Variants in CDCA7L observed in about 807,000 individuals in gnomAD.
CDCA7L encodes the protein cell division cycle-associated 7-like protein.
Under a neutral mutation model 57.4 loss-of-function variants are expected in CDCA7L, and 44 were observed. That is an observed-to-expected ratio of 0.77 (90% CI 0.60 to 0.98). CDCA7L has a LOEUF of 0.98. Ranked by LOEUF, CDCA7L falls within the 50% of genes least tolerant of loss-of-function variation. The probability of loss-of-function intolerance (pLI) is 0.00; values close to 1 mark genes in which losing one functional copy is unlikely to be tolerated. For synonymous variants in CDCA7L, 236 were observed against 202.8 expected (o/e 1.16, Z -1.39); for missense variants, 644 against 580.6 (o/e 1.11, Z -1.12).
chr7:21,921,629 A>G (rs181255006), intron 1 of CDCA7L, among the ~76,000 whole-genome samples: 203 of 147,564 alleles, frequency 1.4e-3, no homozygotes, highest in African/African-American at 4.0e-3. Flanking sequence ...GTTCCATTCT[A>G]TTACAATAAA....
intron 1 of CDCA7L, among the ~76,000 whole-genome samples, chr7:21,929,648 A>G (rs920739394): frequency 6.6e-6 from 1 of 150,516 alleles, no homozygotes; most frequent in Non-Finnish European, 1.5e-5. Context: ...AAAAAAAAAA[A>G]AAAAAAAAGC....
At chr7:21,923,191 CAAGA>C (rs2128064432) in intron 1 of CDCA7L, among the ~76,000 whole-genome samples, 1 of 152,180 alleles carries the variant, frequency 6.6e-6, no homozygotes, top group South Asian at 2.1e-4. Flanking sequence ...CGAAAAAAGA[CAAGA>C]AAGACAATTT....
chr7:21,945,756 CGGCGGCG>C lies in CDCA7L; in HGVS notation c.24+18_24+24del. On this transcript the variant is annotated intron_variant, in intron 1 of 9. Transcript: ENST00000406877. ...AAGTCAAACTGTGGGTGCGTCCGGA[CGGCGGCG>C]GGCGGCCGGACCCTCACCTGGTAGC... 6.3e-7 allele frequency: 1 copy of C among 1,598,814 alleles called. No individual in the cohort carries two copies. Among genetic ancestry groups the C allele is most frequent in the Non-Finnish European group, 8.5e-7 (1 of 1,174,012 alleles).
Position 21,902,348 on chromosome 7 carries a change from G to T in CDCA7L, c.1339C>A (p.Gln447Lys). The T allele has an allele frequency of 1.2e-6, 2 of 1,613,726 alleles. No homozygotes were observed. The highest frequency in any genetic ancestry group is 1.7e-6 in the Non-Finnish European group (2 of 1,179,724). The change falls in exon 10 of 10, where the codon CAA (glutamine) becomes AAA (lysine). Residue 447 changes from glutamine to lysine, a missense_variant. Transcript: ENST00000406877. ...DNVKEYLESL[Q>K]KELVEDN ...TAATTGTCTTCTACCAGCTCCTTTT[G>T]TAAGCTGGGAAAAAGATGAGAAGTA... is the stretch of plus-strand genomic sequence containing the variant.
Position 21,902,175 on chromosome 7 carries a change from AAACAATCTTTAACAAAAAATAGT to A in CDCA7L, c.*124_*146del, listed in dbSNP as rs1162381722. The A allele has an allele frequency of 3.8e-6, 3 of 791,318 alleles. No individual in the cohort carries two copies. In the Middle Eastern group the frequency reaches 7.6e-4, roughly 202 times the overall value. The allele number at this position is 791,318 out of a possible 1,614,324, so 49.0% of individuals were successfully genotyped here. ...TCCTGAGAAATCTTTGTAAGCATAT[AAACAATCTTTAACAAAAAATAGT>A]AATTTCTACAAAGAATTTCTGTATA... On this transcript the variant is annotated 3_prime_UTR_variant, in exon 10 of 10. Transcript: ENST00000406877.
rs764066634 is a variant in CDCA7L, at chr7:21,903,125, G to C, written c.1198-11C>G. On this transcript the variant is annotated splice_polypyrimidine_tract_variant and intron_variant, in intron 8 of 9. Coordinates refer to ENST00000406877, the MANE Select transcript of CDCA7L (RefSeq NM_018719.5). ...GGGACACACCCAATCCTAACAGAGA[G>C]ATGACAGCAGACACTTCGCTCATTA... 8 of 1,611,348 alleles carry C rather than the reference G, an allele frequency of 5.0e-6. No homozygotes were observed. The highest frequency in any genetic ancestry group is 5.9e-6 in the Non-Finnish European group (7 of 1,179,122).
Position 21,902,085 on chromosome 7 carries a change from AACAAAGTTCAGC to A in CDCA7L, c.*225_*236del, listed in dbSNP as rs1784907405. ...TTTTTAATAACTGGCAGATATTTTT[AACAAAGTTCAGC>A]ATACAGACAGGTCTGTGCATACATC... On this transcript the variant is annotated 3_prime_UTR_variant, in exon 10 of 10. Coordinates refer to ENST00000406877, the MANE Select transcript of CDCA7L (RefSeq NM_018719.5). 3 of 514,454 alleles carry A rather than the reference AACAAAGTTCAGC, an allele frequency of 5.8e-6. No homozygotes were observed. The highest frequency in any genetic ancestry group is 3.0e-5 in the East Asian group (1 of 33,252). The allele number at this position is 514,454 out of a possible 1,614,324, so 31.9% of individuals were successfully genotyped here.
chr7:21,923,804 G>C (rs777032753), intron 1 of CDCA7L, among the ~76,000 whole-genome samples: 1 of 152,200 alleles, frequency 6.6e-6, no homozygotes, highest in African/African-American at 2.4e-5. Flanking sequence ...CTGAAATCCA[G>C]CTTTGTTCTA....
At chr7:21,945,028 C>T (rs930299933) in intron 1 of CDCA7L, among the ~76,000 whole-genome samples, 1 of 152,110 alleles carries the variant, frequency 6.6e-6, no homozygotes, top group African/African-American at 2.4e-5. Flanking sequence ...ATCTCCATTA[C>T]GATAACGTAG....
intron 1 of CDCA7L, among the ~76,000 whole-genome samples, chr7:21,936,116 A>T (rs1339432894): frequency 1.3e-5 from 2 of 152,162 alleles, no homozygotes; most frequent in South Asian, 4.2e-4. Flanking sequence ...GAAACAAACA[A>T]CCTAGCTAGA....
chr7:21,901,299 A>C lies in CDCA7L; in HGVS notation c.*1023T>G. 2 of 1,550,366 alleles carry C rather than the reference A, an allele frequency of 1.3e-6. No homozygotes were observed. Among genetic ancestry groups the C allele is most frequent in the Non-Finnish European group, 1.7e-6 (2 of 1,149,492 alleles). On this transcript the variant is annotated 3_prime_UTR_variant, in exon 10 of 10. Coordinates refer to ENST00000406877, the MANE Select transcript of CDCA7L (RefSeq NM_018719.5). Reference sequence around the variant, plus strand: ...TAGCCTCTGCTGGAGTGCAGTGAGGATTTTCTAGCATGTTGCTGCACTGTT... The same window carrying C: ...TAGCCTCTGCTGGAGTGCAGTGAGGCTTTTCTAGCATGTTGCTGCACTGTT...
chr7:21,944,501 C>CA (rs1198919800), intron 1 of CDCA7L, among the ~76,000 whole-genome samples: 1 of 138,104 alleles, frequency 7.2e-6, no homozygotes, highest in Non-Finnish European at 1.6e-5. Context: ...AAGCCAGTGG[C>CA]AAAAAATAAA....
In CDCA7L at chr7:21,901,308, C is replaced by CCTCTGCTGGAGTGCAGTGAGG; in HGVS notation, c.*1013_*1014insCCTCACTGCACTCCAGCAGAG. 49 of 1,500,902 alleles carry CCTCTGCTGGAGTGCAGTGAGG rather than the reference C, an allele frequency of 3.3e-5. No individual in the cohort carries two copies. The highest frequency in any genetic ancestry group is 1.8e-4 in the Middle Eastern group (1 of 5,412). 93.0% of individuals were successfully genotyped at this position (1,500,902 alleles called of 1,614,324 possible). ...CTGGAGTGCAGTGAGGATTTTCTAG[C>CCTCTGCTGGAGTGCAGTGAGG]ATGTTGCTGCACTGTTCCCATGCAC... On this transcript the variant is annotated 3_prime_UTR_variant, in exon 10 of 10. Transcript: ENST00000406877.
In CDCA7L at chr7:21,908,305, C is replaced by T; in HGVS notation, c.506G>A (p.Ser169Asn). 1.9e-6 allele frequency: 3 copies of T among 1,610,968 alleles called. No homozygotes were observed. The highest frequency in any genetic ancestry group is 2.5e-6 in the Non-Finnish European group (3 of 1,179,244). Reference protein sequence around the residue: ...KNSSSEQLFSSARLQNEKKTI... With the variant: ...KNSSSEQLFSNARLQNEKKTI... ...TTTTTTCTCATTCTGTAAGCGTGCG[C>T]TAGAAAACAACTGCTCGGAAGAACT... The change falls in exon 4 of 10, where the codon AGC becomes AAC. Residue 169 changes from serine to asparagine, a missense_variant. Ser to Asn is a conservative substitution (Grantham distance 46). Transcript: ENST00000406877.
chr7:21,942,756 G>A (rs1161943885), intron 1 of CDCA7L, among the ~76,000 whole-genome samples: 2 of 152,084 alleles, frequency 1.3e-5, no homozygotes, highest in African/African-American at 2.4e-5. Context: ...CTATGGATGG[G>A]GTAGCCAGCA....
At chr7:21,930,126 C>T (rs749656548) in intron 1 of CDCA7L, among the ~76,000 whole-genome samples, 5 of 103,944 alleles carry the variant, frequency 4.8e-5, no homozygotes, top group Non-Finnish European at 9.5e-5. Flanking sequence ...GTCTCTCAGA[C>T]CAAGTGCAAT....
At position 21,945,864 on chromosome 7, in the gene CDCA7L, A is replaced by T; in HGVS notation, c.-60T>A. On this transcript the variant is annotated 5_prime_UTR_variant, in exon 1 of 10. Coordinates refer to ENST00000406877, the MANE Select transcript of CDCA7L (RefSeq NM_018719.5). ...GCGGCCACGGGAGCCCGGACTCACC[A>T]CGGCCCGGCGCACCAAGAACGCCCC... is the stretch of plus-strand genomic sequence containing the variant. The T allele has an allele frequency of 6.5e-7, 1 of 1,542,340 alleles. No individual in the cohort carries two copies. Among genetic ancestry groups the T allele is most frequent in the Non-Finnish European group, 8.7e-7 (1 of 1,143,620 alleles).
At chr7:21,929,860 C>G (rs1269451266) in intron 1 of CDCA7L, among the ~76,000 whole-genome samples, 1 of 152,056 alleles carries the variant, frequency 6.6e-6, no homozygotes, top group Non-Finnish European at 1.5e-5. Context: ...TAGACTCCCA[C>G]ACAATAATAG....
intron 7 of CDCA7L, among the ~76,000 whole-genome samples, chr7:21,904,758 C>A (rs1456102545): frequency 6.6e-6 from 1 of 152,174 alleles, no homozygotes; most frequent in African/African-American, 2.4e-5. Context: ...GACCACTGCT[C>A]TAGAATGTAA....
Sources: gnomAD v4.1 joint callset for allele counts (sites outside exome capture counted in the v4.1 genomes callset) on GRCh38, gnomAD v4.1.1 for gene constraint, MANE v1.5 for transcripts, NCBI Gene and HGNC (gene_info 2026-07-23, HGNC 2026-07-21) for gene names.